The following SLC1A1 variants were observed in gnomAD, a reference collection of about 807,000 sequenced individuals.
The protein encoded by SLC1A1 is excitatory amino acid transporter 3.
A neutral mutation model predicts 53.3 loss-of-function variants in SLC1A1; 43 were observed. The observed-to-expected ratio is 0.81, with a 90% confidence interval of 0.63 to 1.04. The LOEUF (loss-of-function observed/expected upper bound fraction) is 1.04, where lower values mean the gene tolerates loss of function less well. Among genes scored for constraint, SLC1A1 ranks in the 50% least tolerant of loss-of-function variants. SLC1A1 has a pLI of 0.00. For missense variants in SLC1A1, 748 were observed against 664.9 expected (o/e 1.12, Z -1.37); for synonymous variants, 307 against 243.2 (o/e 1.26, Z -2.44).
intron 7 of SLC1A1, among the ~76,000 whole-genome samples, chr9:4,573,543 A>G (rs1226115096): frequency 2.0e-5 from 3 of 152,182 alleles, no homozygotes; most frequent in Admixed American, 2.0e-4. Context: ...AGAAAGAGCC[A>G]TATTTGGCAG....
At chr9:4,497,363 A>C (rs12352574) in intron 1 of SLC1A1, among the ~76,000 whole-genome samples, 2,597 of 152,240 alleles carry the variant, frequency 0.017, 77 homozygotes, top group African/African-American at 0.058. Context: ...CTGCTGTGTG[A>C]TATTATTACC....
rs1817743652 is a variant in SLC1A1, at chr9:4,549,375, T to C, written c.232+4668T>C. ...CCTAAGACAGGAGCAGAAGCTTAAT[T>C]CTCCAAAGTGCAGCTGAGACCACAC... On this transcript the variant is annotated intron_variant, in intron 2 of 11. Coordinates refer to ENST00000262352, the MANE Select transcript of SLC1A1 (RefSeq NM_004170.6). This position sits in a 1 kb window ranked among gnomAD's most constrained non-coding sequence, Gnocchi z 4.1. Among the ~76,000 whole-genome samples, 1 of 152,060 alleles carries C rather than the reference T, an allele frequency of 6.6e-6. No homozygotes were observed. Among genetic ancestry groups the C allele is most frequent in the Non-Finnish European group, 1.5e-5 (1 of 68,010 alleles).
intron 1 of SLC1A1, among the ~76,000 whole-genome samples, chr9:4,518,594 A>C (rs1288405681): frequency 6.6e-6 from 1 of 152,124 alleles, no homozygotes; most frequent in African/African-American, 2.4e-5. Context: ...TTTGCTTAGA[A>C]TCTGTGGTGA....
chr9:4,543,265 T>G (rs1817170210), intron 1 of SLC1A1, among the ~76,000 whole-genome samples: 1 of 152,308 alleles, frequency 6.6e-6, no homozygotes, highest in Non-Finnish European at 1.5e-5. Flanking sequence ...ACCAGTGATA[T>G]CCTCCTTGAA....
In SLC1A1 at chr9:4,557,776, T is replaced by C. The variant is rs537222810; in HGVS notation, c.233-3673T>C. Among the ~76,000 whole-genome samples the C allele has an allele frequency of 2.6e-5, 4 of 152,282 alleles. No homozygotes were observed. The East Asian group carries it at 7.7e-4, about 29-fold the overall frequency. On this transcript the variant is annotated intron_variant, in intron 2 of 11. Coordinates refer to ENST00000262352, the MANE Select transcript of SLC1A1 (RefSeq NM_004170.6). ...GAACGTTTCTATCATCAGGAAGCTCTACTGGGCAGCGCTAGTCTAGAATTT... is the reference window on the plus strand; with the variant it reads ...GAACGTTTCTATCATCAGGAAGCTCCACTGGGCAGCGCTAGTCTAGAATTT...
At chr9:4,522,577 T>C (rs1183635492) in intron 1 of SLC1A1, among the ~76,000 whole-genome samples, 2 of 152,150 alleles carry the variant, frequency 1.3e-5, no homozygotes, top group East Asian at 3.9e-4. Flanking sequence ...TATAAAGAAA[T>C]ACCGGAGACT....
chr9:4,495,914 T>C (rs1398406162), intron 1 of SLC1A1, among the ~76,000 whole-genome samples: 1 of 152,134 alleles, frequency 6.6e-6, no homozygotes, highest in African/African-American at 2.4e-5. Context: ...GAACATGGCA[T>C]GTTCCACGGT....
At chr9:4,560,399 G>C (rs1024632468) in intron 2 of SLC1A1, among the ~76,000 whole-genome samples, 11 of 152,078 alleles carry the variant, frequency 7.2e-5, no homozygotes, top group Non-Finnish European at 1.2e-4. Context: ...GTGGGAAAAT[G>C]CTTACAACTA....
intron 1 of SLC1A1, among the ~76,000 whole-genome samples, chr9:4,512,967 A>C (rs1188018615): frequency 2.0e-5 from 3 of 152,114 alleles, no homozygotes; most frequent in Non-Finnish European, 4.4e-5. Context: ...AAAGCTATTC[A>C]AAGAGCAAAG....
intron 1 of SLC1A1, among the ~76,000 whole-genome samples, chr9:4,493,260 C>T (rs113002758): frequency 2.0e-5 from 3 of 152,302 alleles, no homozygotes; most frequent in Admixed American, 6.5e-5. Context: ...AGACCACCCC[C>T]GATATGCCCA....
rs552723626 is a variant in SLC1A1 at position 4,583,528 on chromosome 9, C to T, written c.1328+356C>T. ...CTGGTTCAGCATCATAGGCTCAGAA[C>T]CACCTAGTTCAAAATCAGTCCGTCT... On this transcript the variant is annotated intron_variant, in intron 11 of 11. Coordinates refer to ENST00000262352, the MANE Select transcript of SLC1A1 (RefSeq NM_004170.6). This position sits in a 1 kb window ranked among gnomAD's most constrained non-coding sequence, Gnocchi z 4.6. Among the ~76,000 whole-genome samples the T allele has an allele frequency of 6.6e-6, 1 of 152,262 alleles. No individual in the cohort carries two copies. The highest frequency in any genetic ancestry group is 1.9e-4 in the East Asian group (1 of 5,176).
intron 1 of SLC1A1, among the ~76,000 whole-genome samples, chr9:4,494,410 T>C (rs1373020453): frequency 6.6e-6 from 1 of 152,202 alleles, no homozygotes; most frequent in Non-Finnish European, 1.5e-5. Context: ...AATTTGATTA[T>C]GAGAAAATTA....
In SLC1A1 at chr9:4,496,701, C is replaced by G. The variant is rs796968975; in HGVS notation, c.91+5931C>G. On this transcript the variant is annotated intron_variant, in intron 1 of 11. Transcript: ENST00000262352. ...CTTGAGGCTAGGAGTTCAAGACCAG[C>G]CTGGGCAACACAGCAGGACCCCTGT... Among the ~76,000 whole-genome samples, 112 of 152,068 alleles carry G rather than the reference C, an allele frequency of 7.4e-4. 1 individual carries two copies. The highest frequency in any genetic ancestry group is 2.5e-3 in the African/African-American group (105 of 41,496).
chr9:4,522,433 T>A (rs1212152320), intron 1 of SLC1A1, among the ~76,000 whole-genome samples: 2 of 152,190 alleles, frequency 1.3e-5, no homozygotes, highest in Non-Finnish European at 2.9e-5. Context: ...ATATTCTGTC[T>A]ATCCCTGCAC....
chr9:4,528,564 G>A (rs10974597), intron 1 of SLC1A1, among the ~76,000 whole-genome samples: 70,614 of 151,842 alleles, frequency 0.47, 16,847 homozygotes, highest in Admixed American at 0.5. Flanking sequence ...AGACAGAGCA[G>A]GACTCCGTCT....
At chr9:4,499,229 G>C (rs1820552781) in intron 1 of SLC1A1, among the ~76,000 whole-genome samples, 1 of 151,564 alleles carries the variant, frequency 6.6e-6, no homozygotes, top group South Asian at 2.1e-4. Context: ...ATTTTTAGTA[G>C]AGACAAAGTT....
chr9:4,555,209 C>T lies in SLC1A1; in HGVS notation c.233-6240C>T, dbSNP rs28420685. ...ACAGAGACAGGAGTCATCCACATGG[C>T]GAGTTTTAACTCCTATGCAACAATG... On this transcript the variant is annotated intron_variant, in intron 2 of 11. Transcript: ENST00000262352. Among the ~76,000 whole-genome samples the T allele has an allele frequency of 3.3e-5, 5 of 152,002 alleles. 1 individual carries two copies. Among genetic ancestry groups the T allele is most frequent in the Admixed American group, 2.6e-4 (4 of 15,272 alleles).
intron 1 of SLC1A1, among the ~76,000 whole-genome samples, chr9:4,540,573 C>T (rs1304943947): frequency 6.6e-6 from 1 of 152,204 alleles, no homozygotes; most frequent in Admixed American, 6.5e-5. Context: ...TGCCTCAGGA[C>T]TCTGCACGGA....
intron 1 of SLC1A1, among the ~76,000 whole-genome samples, chr9:4,538,554 A>G (rs916071556): frequency 2.6e-5 from 4 of 152,254 alleles, no homozygotes; most frequent in Non-Finnish European, 4.4e-5. Flanking sequence ...AAATAGAAAC[A>G]ATACAACCTT....
Sources: allele counts gnomAD v4.1 joint callset (sites outside exome capture counted in the v4.1 genomes callset), GRCh38; gene constraint gnomAD v4.1.1; non-coding constraint Gnocchi (gnomAD v3.1); transcripts MANE v1.5; gene names NCBI Gene and HGNC (gene_info 2026-07-23, HGNC 2026-07-21).